RBM33: variants seen among roughly 807,000 people sequenced by gnomAD.
RBM33 encodes the protein RNA binding motif protein 33.
Under a neutral mutation model 132.6 loss-of-function variants are expected in RBM33, and 28 were observed. The ratio of observed to expected loss-of-function variants is 0.21; its 90% CI spans 0.16 to 0.29. The LOEUF (loss-of-function observed/expected upper bound fraction) is 0.29, where lower values mean the gene tolerates loss of function less well. RBM33 is among the 10% of genes least tolerant of loss of function. RBM33 has a pLI of 1.00. For synonymous variants in RBM33, 634 were observed against 593.0 expected, an observed-to-expected ratio of 1.07 and a Z score of -1.01; for missense variants, 1,291 against 1,518.5, an observed-to-expected ratio of 0.85 and a Z score of 2.49.
chr7:155,730,184 G>T (rs963309576), intron 9 of RBM33, among the ~76,000 whole-genome samples: 1 of 152,236 alleles, frequency 6.6e-6, no homozygotes, highest in African/African-American at 2.4e-5. Flanking sequence ...GGACCCGGCA[G>T]TTGAAGGGCA....
Position 155,711,364 on chromosome 7 carries a change from G to T in RBM33, c.1110G>T (p.Met370Ile). 1 of 1,592,124 alleles carries T rather than the reference G, an allele frequency of 6.3e-7. No individual in the cohort carries two copies. Among genetic ancestry groups the T allele is most frequent in the Non-Finnish European group, 8.5e-7 (1 of 1,169,752 alleles). Residue 370 changes from methionine (M) to isoleucine (I), a missense_variant, in exon 8 of 18, where the codon ATG (methionine) becomes ATT (isoleucine). Around this residue, in one of 7 missense-constraint regions of RBM33, gnomAD observed 146 missense variants for 137.1 expected, o/e 1.07. Transcript: ENST00000401878. The stretch of plus-strand genomic sequence containing the variant: ...CTCCCCAGCTAGAGACCCCAAGGAT[G>T]ATGATGACCCCGCCACCCGTGACTC... ...HMPPQLETPR[M>I]MMTPPPVTPQ...
intron 9 of RBM33, among the ~76,000 whole-genome samples, chr7:155,732,790 A>G (rs1376618487): frequency 6.6e-6 from 1 of 152,212 alleles, no homozygotes; most frequent in African/African-American, 2.4e-5. Flanking sequence ...TGGTGGAATC[A>G]CTAGAAGGTG....
chr7:155,733,818 C>G (rs1801028883), intron 9 of RBM33, among the ~76,000 whole-genome samples: 1 of 152,198 alleles, frequency 6.6e-6, no homozygotes, highest in Admixed American at 6.5e-5. Flanking sequence ...AGACCGTGAG[C>G]CTTGATTTAG....
intron 9 of RBM33, among the ~76,000 whole-genome samples, chr7:155,723,274 CT>C (rs1331711003): frequency 1.3e-5 from 2 of 152,196 alleles, no homozygotes; most frequent in African/African-American, 4.8e-5. Flanking sequence ...GAACGTCTTG[CT>C]TTTGAACACC....
intron 1 of RBM33, among the ~76,000 whole-genome samples, chr7:155,654,253 ATTGACAG>A (rs1326489675): frequency 6.6e-6 from 1 of 152,004 alleles, no homozygotes; most frequent in Non-Finnish European, 1.5e-5. Flanking sequence ...GAATTTCTAA[ATTGACAG>A]TTTCTGGTTC....
rs556373056 is a variant in RBM33, at chr7:155,778,223, C to A, written c.*3182C>A. On this transcript the variant is annotated 3_prime_UTR_variant, in exon 18 of 18. Coordinates refer to ENST00000401878, the MANE Select transcript of RBM33 (RefSeq NM_053043.3). This position sits in a 1 kb window ranked among gnomAD's most constrained non-coding sequence, Gnocchi z 4.0. ...CACCATAACTATTTTTAATATGGGT[C>A]ATTCTTAGCATGATTTGTAAAGGTC... 1 of 152,538 alleles carries A rather than the reference C, an allele frequency of 6.6e-6. No homozygotes were observed. The highest frequency in any genetic ancestry group is 2.4e-5 in the African/African-American group (1 of 41,528). The allele number at this position is 152,538 out of a possible 1,614,324, so 9.4% of individuals were successfully genotyped here. A position where few individuals can be genotyped will look rare whatever the true frequency, so the allele number is the denominator to read the frequency against.
intron 9 of RBM33, among the ~76,000 whole-genome samples, chr7:155,719,062 G>C (rs1317416803): frequency 1.3e-5 from 2 of 151,898 alleles, no homozygotes; most frequent in African/African-American, 4.8e-5. Flanking sequence ...CATGTTTTAG[G>C]TAGAAGAAAA....
chr7:155,756,211 A>T (rs1256784993), intron 14 of RBM33, among the ~76,000 whole-genome samples: 1 of 152,246 alleles, frequency 6.6e-6, no homozygotes, highest in Non-Finnish European at 1.5e-5. Flanking sequence ...ATTCAATTTG[A>T]ATCAACAGTA....
chr7:155,682,142 A>G (rs1799354182), intron 5 of RBM33, among the ~76,000 whole-genome samples: 1 of 152,132 alleles, frequency 6.6e-6, no homozygotes, highest in Non-Finnish European at 1.5e-5. Context: ...GCTGATCTCG[A>G]ACTCTTGACC....
At chr7:155,723,882 C>T (rs1800698475) in intron 9 of RBM33, among the ~76,000 whole-genome samples, 1 of 152,154 alleles carries the variant, frequency 6.6e-6, no homozygotes, top group African/African-American at 2.4e-5. Context: ...GAAGCAATCT[C>T]CTATGCATAC....
At chr7:155,746,252 CAG>C (rs1801513265) in intron 14 of RBM33, among the ~76,000 whole-genome samples, 2 of 152,158 alleles carry the variant, frequency 1.3e-5, no homozygotes, top group South Asian at 4.1e-4. Flanking sequence ...GCTTTAGACT[CAG>C]TGAGCAGCTG....
intron 9 of RBM33, among the ~76,000 whole-genome samples, chr7:155,732,148 G>A (rs751526113): frequency 2.6e-5 from 4 of 152,192 alleles, no homozygotes; most frequent in Non-Finnish European, 5.9e-5. Flanking sequence ...CTGGAAAGGG[G>A]TGAAGGGGAA....
intron 2 of RBM33, among the ~76,000 whole-genome samples, chr7:155,666,398 C>CTAAT: frequency 6.6e-6 from 1 of 152,332 alleles, no homozygotes; most frequent in Non-Finnish European, 1.5e-5. Context: ...TTTACTCAGT[C>CTAAT]TGTGGACTCA....
intron 2 of RBM33, among the ~76,000 whole-genome samples, chr7:155,671,400 C>G (rs1798939532): frequency 1.3e-5 from 2 of 152,110 alleles, no homozygotes; most frequent in South Asian, 4.1e-4. Context: ...TCCTTGTTTT[C>G]TTTATCTGTA....
At chr7:155,689,569 T>C (rs1396566732) in intron 5 of RBM33, among the ~76,000 whole-genome samples, 1 of 150,078 alleles carries the variant, frequency 6.7e-6, no homozygotes, top group Non-Finnish European at 1.5e-5. Flanking sequence ...GATATTAGGG[T>C]GTCAATTTTA....
At chr7:155,684,268 C>T (rs1028706156) in intron 5 of RBM33, among the ~76,000 whole-genome samples, 1 of 152,120 alleles carries the variant, frequency 6.6e-6, no homozygotes, top group Non-Finnish European at 1.5e-5. Context: ...GGCTGGGACC[C>T]TGGGAAGTCT....
chr7:155,657,470 G>A (rs76985865), intron 1 of RBM33, among the ~76,000 whole-genome samples: 3,972 of 152,292 alleles, frequency 0.026, 188 homozygotes, highest in African/African-American at 0.089. Flanking sequence ...GCAAAAAGAT[G>A]TTCTGGTTTC....
chr7:155,683,589 C>T (rs1013996360), intron 5 of RBM33, among the ~76,000 whole-genome samples: 4 of 152,262 alleles, frequency 2.6e-5, no homozygotes, highest in Admixed American at 1.3e-4. Flanking sequence ...ATGAAGAAAG[C>T]GAGGTCCAGA....
intron 5 of RBM33, among the ~76,000 whole-genome samples, chr7:155,688,457 A>G (rs1349248031): frequency 1.3e-5 from 2 of 152,162 alleles, no homozygotes; most frequent in Non-Finnish European, 2.9e-5. Context: ...TCCTAATTGA[A>G]TATCCTTTAT....
Sources: gnomAD v4.1 joint callset for allele counts (sites outside exome capture counted in the v4.1 genomes callset) on GRCh38, gnomAD v4.1.1 for gene constraint, gnomAD v4.1.1 regional missense constraint, Gnocchi (gnomAD v3.1) non-coding constraint, MANE v1.5 for transcripts, NCBI Gene and HGNC (gene_info 2026-07-23, HGNC 2026-07-21) for gene names.